Variants in SDK1 observed in about 807,000 individuals in gnomAD.
SDK1 encodes sidekick cell adhesion molecule 1.
Under a neutral mutation model 245.5 loss-of-function variants are expected in SDK1, and 157 were observed. The observed-to-expected ratio is 0.64, with a 90% CI of 0.56 to 0.73. The LOEUF (loss-of-function observed/expected upper bound fraction) is 0.73, where lower values mean the gene tolerates loss of function less well. Ranked by LOEUF, SDK1 falls within the 30% of genes least tolerant of loss-of-function variation. The pLI, the probability that SDK1 is intolerant of heterozygous loss-of-function variation, is 0.00. For synonymous variants in SDK1, 1,647 were observed against 1,278.5 expected, an observed-to-expected ratio of 1.29 and a Z score of -6.15; for missense variants, 3,583 against 3,002.3, an observed-to-expected ratio of 1.19 and a Z score of -4.52.
intron 4 of SDK1, among the ~76,000 whole-genome samples, chr7:3,712,288 G>A (rs543216804): frequency 5.7e-4 from 87 of 152,268 alleles, no homozygotes; most frequent in Middle Eastern, 6.8e-3. Flanking sequence ...TGAACTGTGC[G>A]TGTGAGGGTC....
At position 3,777,518 on chromosome 7, in the gene SDK1, C is replaced by T. The variant is rs114762007; in HGVS notation, c.714-43932C>T. Among the ~76,000 whole-genome samples, 375 of 152,308 alleles carry T rather than the reference C, an allele frequency of 2.5e-3. 2 individuals carry two copies. The highest frequency in any genetic ancestry group is 8.1e-3 in the African/African-American group (338 of 41,564). On this transcript the variant is annotated intron_variant, in intron 4 of 44. Coordinates refer to ENST00000404826, the MANE Select transcript of SDK1 (RefSeq NM_152744.4). Reference sequence around the variant, plus strand: ...GCTGAGCTGGAACCAGAACCCAGGCCTGTGTCCTTGTACTCAGGTTGCCAC... The same window carrying T: ...GCTGAGCTGGAACCAGAACCCAGGCTTGTGTCCTTGTACTCAGGTTGCCAC...
At chr7:3,454,739 C>G (rs2204121) in intron 1 of SDK1, among the ~76,000 whole-genome samples, 119,824 of 152,158 alleles carry the variant, frequency 0.79, 47,950 homozygotes, top group African/African-American at 0.94. Context: ...TGGTTTGACT[C>G]TTAGCCCTTT....
At position 3,935,531 on chromosome 7, in the gene SDK1, A is replaced by G. The variant is rs1311467206; in HGVS notation, c.848-15392A>G. ...TACACAGAATTCCTACAACTCAACA[A>G]CAGAAAAAATAAGCTGATTTAAAAA... is the stretch of plus-strand genomic sequence containing the variant. On this transcript the variant is annotated intron_variant, in intron 5 of 44. Transcript: ENST00000404826. Among the ~76,000 whole-genome samples, 3 of 152,332 alleles carry G rather than the reference A, an allele frequency of 2.0e-5. No homozygotes were observed. The East Asian group carries it at 5.8e-4, about 29-fold the overall frequency.
chr7:3,995,527 G>C (rs1469115468), intron 14 of SDK1, among the ~76,000 whole-genome samples: 1 of 152,138 alleles, frequency 6.6e-6, no homozygotes, highest in African/African-American at 2.4e-5. Flanking sequence ...TCAACCAATG[G>C]GCAAACAGCC....
chr7:4,020,956 G>A (rs750304821), intron 17 of SDK1, among the ~76,000 whole-genome samples: 2 of 152,130 alleles, frequency 1.3e-5, no homozygotes, highest in African/African-American at 2.4e-5. Context: ...GTCTGTATTC[G>A]TTTTTCCACT....
chr7:3,807,482 A>T (rs779686235), intron 4 of SDK1, among the ~76,000 whole-genome samples: 2 of 152,132 alleles, frequency 1.3e-5, no homozygotes, highest in African/African-American at 4.8e-5. Flanking sequence ...CAGTTTTGTG[A>T]TCCCCTCTAC....
At chr7:3,431,925 T>G (rs1280443813) in intron 1 of SDK1, among the ~76,000 whole-genome samples, 1 of 152,046 alleles carries the variant, frequency 6.6e-6, no homozygotes, top group Non-Finnish European at 1.5e-5. Context: ...AGAATTCCTT[T>G]AAGACCTAAC....
rs113931393 is a variant in SDK1, at chr7:3,378,544, G to C, written c.298+76660G>C. ...TGAGGAAACCTTGAGGTCGGGCAGG[G>C]ATTTGGATCCAGGCTGTGACTCCAA... On this transcript the variant is annotated intron_variant, in intron 1 of 44. Transcript: ENST00000404826. Among the ~76,000 whole-genome samples the C allele has an allele frequency of 4.3e-3, 653 of 152,258 alleles. 11 individuals carry two copies. Among genetic ancestry groups the C allele is most frequent in the South Asian group, 0.018 (87 of 4,814 alleles).
chr7:3,396,334 T>C (rs1781895765), intron 1 of SDK1, among the ~76,000 whole-genome samples: 1 of 151,904 alleles, frequency 6.6e-6, no homozygotes, highest in Non-Finnish European at 1.5e-5. Flanking sequence ...TTGGGTTCTA[T>C]GGCAGCTTGA....
Position 4,051,599 on chromosome 7 carries a change from T to C in SDK1, c.2719-39T>C, listed in dbSNP as rs774272160. 39 of 1,575,132 alleles carry C rather than the reference T, an allele frequency of 2.5e-5. No homozygotes were observed. The African/African-American group carries it at 4.9e-4, about 20-fold the overall frequency. ...CAGACATGAGTGTGGAGAAATGCCA[T>C]TGAAAACAGGCTGTCTTTTTCACCC... On this transcript the variant is annotated intron_variant, in intron 18 of 44. Transcript: ENST00000404826.
At chr7:3,638,456 A>G (rs1267398980) in intron 2 of SDK1, among the ~76,000 whole-genome samples, 1 of 151,850 alleles carries the variant, frequency 6.6e-6, no homozygotes, top group African/African-American at 2.4e-5. Flanking sequence ...ATGCAGCCAT[A>G]AAAAATGATG....
intron 4 of SDK1, among the ~76,000 whole-genome samples, chr7:3,741,812 A>G (rs1272757481): frequency 6.6e-6 from 1 of 152,090 alleles, no homozygotes; most frequent in African/African-American, 2.4e-5. Context: ...AAACACACAC[A>G]TTCACACACA....
intron 1 of SDK1, among the ~76,000 whole-genome samples, chr7:3,483,858 T>G (rs1011623648): frequency 2.0e-5 from 3 of 152,212 alleles, no homozygotes; most frequent in African/African-American, 7.2e-5. Flanking sequence ...TTAAAATGTT[T>G]ATATATACGT....
In SDK1 at chr7:3,723,875, C is replaced by T. The variant is rs182684282; in HGVS notation, c.713+81770C>T. On this transcript the variant is annotated intron_variant, in intron 4 of 44. Transcript: ENST00000404826. ...ATATACATATACACGTGTATATACACGTACATATATATATACACGTGTATA... is the reference window on the plus strand; with the variant it reads ...ATATACATATACACGTGTATATACATGTACATATATATATACACGTGTATA... Among the ~76,000 whole-genome samples, 63 of 121,484 alleles carry T rather than the reference C, an allele frequency of 5.2e-4. 2 individuals are homozygous for T. Among genetic ancestry groups the T allele is most frequent in the African/African-American group, 1.3e-3 (34 of 26,434 alleles). The allele number at this position is 121,484 out of a possible 152,430, so 79.7% of individuals were successfully genotyped here.
At chr7:4,127,952 G>A (rs532332837) in intron 26 of SDK1, among the ~76,000 whole-genome samples, 4 of 152,332 alleles carry the variant, frequency 2.6e-5, no homozygotes, top group Admixed American at 2.6e-4. Flanking sequence ...ATCGCTGTGT[G>A]CATGTTTCTA....
At chr7:3,390,998 A>G (rs1403654512) in intron 1 of SDK1, among the ~76,000 whole-genome samples, 3 of 152,174 alleles carry the variant, frequency 2.0e-5, no homozygotes, top group African/African-American at 7.2e-5. Flanking sequence ...TGTCTATACT[A>G]TGGCTGTTTT....
intron 11 of SDK1, among the ~76,000 whole-genome samples, chr7:3,969,835 A>G (rs896383171): frequency 5.9e-5 from 9 of 152,226 alleles, no homozygotes; most frequent in African/African-American, 2.2e-4. Context: ...TACACTAACC[A>G]TCAATGTTTC....
At chr7:3,580,913 G>A (rs917351407) in intron 1 of SDK1, among the ~76,000 whole-genome samples, 3 of 136,626 alleles carry the variant, frequency 2.2e-5, no homozygotes, top group African/African-American at 2.7e-5. Flanking sequence ...AGTTGCAGAT[G>A]AGCCGAGATT....
At chr7:4,138,010 T>C (rs949423540) in intron 28 of SDK1, among the ~76,000 whole-genome samples, 3 of 152,250 alleles carry the variant, frequency 2.0e-5, no homozygotes, top group Non-Finnish European at 2.9e-5. Context: ...TTCATCTTTA[T>C]GTTCAGCAGA....
Sources: gnomAD v4.1 joint callset for allele counts (sites outside exome capture counted in the v4.1 genomes callset) on GRCh38, gnomAD v4.1.1 for gene constraint, MANE v1.5 for transcripts, NCBI Gene and HGNC (gene_info 2026-07-23, HGNC 2026-07-21) for gene names.